DACH1: variants seen among roughly 807,000 people sequenced by gnomAD.
The protein encoded by DACH1 is dachshund family transcription factor 1, also known as dachshund homolog 1.
A neutral mutation model predicts 54.2 loss-of-function variants in DACH1; 12 were observed. That is an observed-to-expected ratio of 0.22 (90% CI 0.14 to 0.36). The LOEUF (loss-of-function observed/expected upper bound fraction) is 0.36, where lower values mean the gene tolerates loss of function less well. Among genes scored for constraint, DACH1 ranks in the 10% least tolerant of loss-of-function variants. DACH1 has a pLI of 1.00. For synonymous variants in DACH1, 386 were observed against 366.2 expected (o/e 1.05, Z -0.62); for missense variants, 805 against 929.8 (o/e 0.87, Z 1.75).
At chr13:71,451,427 C>A (rs780480138) in intron 10 of DACH1, among the ~76,000 whole-genome samples, 2 of 152,044 alleles carry the variant, frequency 1.3e-5, no homozygotes, top group Non-Finnish European at 2.9e-5. Flanking sequence ...ATGGAAAGGG[C>A]TCAATAAAAA....
intron 1 of DACH1, among the ~76,000 whole-genome samples, chr13:71,807,803 A>G (rs962964186): frequency 2.6e-5 from 4 of 152,152 alleles, no homozygotes; most frequent in African/African-American, 9.6e-5. Context: ...AATATCTCTC[A>G]CTTCAAAATC....
intron 10 of DACH1, among the ~76,000 whole-genome samples, chr13:71,471,741 G>A (rs1198791666): frequency 6.6e-6 from 1 of 151,286 alleles, no homozygotes; most frequent in Non-Finnish European, 1.5e-5. Flanking sequence ...AACAGAGTGA[G>A]ACTCTGTCTC....
chr13:71,846,699 A>G lies in DACH1; in HGVS notation c.848+19223T>C, dbSNP rs143259674. On this transcript the variant is annotated intron_variant, in intron 1 of 10. Transcript: ENST00000613252. Reference sequence around the variant, plus strand: ...TGAATAGGACAATATAATAGGAAATAAAATTTTCAGAATGAGATTTCTTGG... The same window carrying G: ...TGAATAGGACAATATAATAGGAAATGAAATTTTCAGAATGAGATTTCTTGG... 4.6e-5 allele frequency among the ~76,000 whole-genome samples: 7 copies of G among 152,298 alleles called. No homozygotes were observed. In the East Asian group the frequency reaches 1.2e-3, roughly 25 times the overall value.
At chr13:71,854,926 T>C (rs910357598) in intron 1 of DACH1, among the ~76,000 whole-genome samples, 59 of 151,990 alleles carry the variant, frequency 3.9e-4, no homozygotes, top group African/African-American at 1.4e-3. Context: ...GGCAGAAAAA[T>C]TGTTAATTTA....
At chr13:71,707,022 C>T (rs916171645) in intron 1 of DACH1, among the ~76,000 whole-genome samples, 1 of 152,070 alleles carries the variant, frequency 6.6e-6, no homozygotes, top group Non-Finnish European at 1.5e-5. Context: ...GTTTTTATTT[C>T]CCATAGTCAT....
intron 2 of DACH1, among the ~76,000 whole-genome samples, chr13:71,665,170 T>A (rs576138711): frequency 1.6e-3 from 242 of 152,048 alleles, no homozygotes; most frequent in African/African-American, 5.6e-3. Flanking sequence ...GCATAAAACA[T>A]TTGTCAGTCT....
intron 3 of DACH1, among the ~76,000 whole-genome samples, chr13:71,621,009 A>G (rs1876195155): frequency 6.6e-6 from 1 of 150,856 alleles, no homozygotes; most frequent in Non-Finnish European, 1.5e-5. Flanking sequence ...GGTAGATAAA[A>G]ATGCAAAGTA....
intron 1 of DACH1, among the ~76,000 whole-genome samples, chr13:71,839,390 G>C (rs1170509046): frequency 6.6e-6 from 1 of 152,152 alleles, no homozygotes; most frequent in Non-Finnish European, 1.5e-5. Context: ...GGTGGATAAT[G>C]AGGTCAGGAG....
At chr13:71,557,280 C>T in intron 5 of DACH1, 122 bp from the exon 6 acceptor site, 1 of 669,318 alleles carries the variant, frequency 1.5e-6, no homozygotes, top group Non-Finnish European at 2.2e-6. Flanking sequence ...ATATAATGGT[C>T]TACCTTTAAA....
intron 1 of DACH1, among the ~76,000 whole-genome samples, chr13:71,844,031 G>C (rs1873058725): frequency 6.6e-6 from 1 of 152,102 alleles, no homozygotes; most frequent in Non-Finnish European, 1.5e-5. Flanking sequence ...AGTCTCTAGG[G>C]GAAATGAAAA....
chr13:71,804,960 A>G (rs1331530255), intron 1 of DACH1, among the ~76,000 whole-genome samples: 1 of 152,064 alleles, frequency 6.6e-6, no homozygotes, highest in Non-Finnish European at 1.5e-5. Context: ...TGTACCCTTC[A>G]TGTTATGGAT....
chr13:71,464,660 C>CT (rs897056473), intron 10 of DACH1: 11 of 449,056 alleles, frequency 2.4e-5, no homozygotes, highest in Admixed American at 4.9e-5. Flanking sequence ...TTAATTACTG[C>CT]TTTTTTTGCT....
chr13:71,490,593 T>C (rs914039425), intron 6 of DACH1, among the ~76,000 whole-genome samples: 2 of 152,182 alleles, frequency 1.3e-5, no homozygotes, highest in Middle Eastern at 6.3e-3. Flanking sequence ...AAAGTAGGAC[T>C]CATGTTATTT....
intron 2 of DACH1, chr13:71,674,999 C>G: frequency 1.4e-6 from 1 of 694,848 alleles, no homozygotes; most frequent in Non-Finnish European, 2.6e-6. Flanking sequence ...CCAACGCCAG[C>G]GCCGCCTCTC....
chr13:71,455,373 T>C (rs1447389001), intron 10 of DACH1, among the ~76,000 whole-genome samples: 1 of 152,082 alleles, frequency 6.6e-6, no homozygotes, highest in African/African-American at 2.4e-5. Flanking sequence ...TATATCCATA[T>C]CTACCTATAT....
At chr13:71,833,247 C>G (rs1463838991) in intron 1 of DACH1, among the ~76,000 whole-genome samples, 2 of 151,830 alleles carry the variant, frequency 1.3e-5, no homozygotes, top group Non-Finnish European at 2.9e-5. Flanking sequence ...GTTCTATGGT[C>G]CAGTGGATGT....
intron 1 of DACH1, among the ~76,000 whole-genome samples, chr13:71,717,239 A>G (rs1270004015): frequency 6.6e-6 from 1 of 152,182 alleles, no homozygotes; most frequent in African/African-American, 2.4e-5. Flanking sequence ...ATGTCAGTCA[A>G]ATAATACAGA....
chr13:71,618,264 C>T (rs1875932769), intron 3 of DACH1, among the ~76,000 whole-genome samples: 1 of 151,958 alleles, frequency 6.6e-6, no homozygotes, highest in Non-Finnish European at 1.5e-5. Context: ...AAGATAACAT[C>T]TGTGTGGGGG....
chr13:71,714,667 C>A (rs758369857), intron 1 of DACH1, among the ~76,000 whole-genome samples: 7 of 151,854 alleles, frequency 4.6e-5, no homozygotes, highest in Admixed American at 1.3e-4. Flanking sequence ...ATTTTTATCC[C>A]GTTCTTGAGC....
Sources: gnomAD v4.1 joint callset for allele counts (sites outside exome capture counted in the v4.1 genomes callset) on GRCh38, gnomAD v4.1.1 for gene constraint, MANE v1.5 for transcripts, NCBI Gene and HGNC (gene_info 2026-07-23, HGNC 2026-07-21) for gene names.